The following SAMMSON variants were observed in gnomAD, a reference collection of about 807,000 sequenced individuals.
SAMMSON encodes the protein long intergenic non-protein coding RNA 1212.
chr3:70,287,954 T>C (rs1185678535), intron 6 of SAMMSON, among the ~76,000 whole-genome samples: 3 of 152,188 alleles, frequency 2.0e-5, no homozygotes, highest in Non-Finnish European at 4.4e-5. Flanking sequence ...TCTCTTTTTT[T>C]CTTTATTAGT....
intron 2 of SAMMSON, among the ~76,000 whole-genome samples, chr3:70,425,646 C>T (rs1214930679): frequency 6.6e-6 from 1 of 151,928 alleles, no homozygotes; most frequent in Non-Finnish European, 1.5e-5. Flanking sequence ...ATCTACTGAC[C>T]TCATGATCCG....
intron 7 of SAMMSON, among the ~76,000 whole-genome samples, chr3:70,314,924 T>C (rs1702485229): frequency 6.6e-6 from 1 of 152,130 alleles, no homozygotes. Flanking sequence ...CTAAACAGTT[T>C]TTTAAATTTT....
intron 4 of SAMMSON, among the ~76,000 whole-genome samples, chr3:70,117,929 A>G (rs1033881111): frequency 6.6e-6 from 1 of 151,808 alleles, no homozygotes; most frequent in African/African-American, 2.4e-5. Flanking sequence ...TTATTTATTT[A>G]TTTTTTGAGA....
In SAMMSON at chr3:70,007,105, CAT is replaced by C. The variant is rs544070148; in HGVS notation, n.23-5249_23-5248del. Among the ~76,000 whole-genome samples, 324 of 152,220 alleles carry C rather than the reference CAT, an allele frequency of 2.1e-3. 2 individuals carry two copies. The highest frequency in any genetic ancestry group is 0.02 in the Middle Eastern group (6 of 294). ...CTATTGTGAATAGTGCCACAATAAA[CAT>C]ATGTGTGCATGTGTCTTTATAGCAG... On this transcript the variant is annotated intron_variant and non_coding_transcript_variant, in intron 1 of 9. Transcript: ENST00000642114.
intron 2 of SAMMSON, among the ~76,000 whole-genome samples, chr3:70,422,591 T>TA (rs1028838579): frequency 2.0e-5 from 3 of 151,990 alleles, no homozygotes; most frequent in Admixed American, 6.6e-5. Flanking sequence ...TGTAAACATC[T>TA]AAAAAAATTA....
intron 4 of SAMMSON, among the ~76,000 whole-genome samples, chr3:70,239,423 T>C (rs575487764): frequency 6.6e-6 from 1 of 152,284 alleles, no homozygotes; most frequent in African/African-American, 2.4e-5. Context: ...GGTTGGAGAT[T>C]GACTCTGTTC....
At chr3:70,427,162 G>C (rs1701376734) in intron 2 of SAMMSON, among the ~76,000 whole-genome samples, 1 of 152,112 alleles carries the variant, frequency 6.6e-6, no homozygotes, top group African/African-American at 2.4e-5. Context: ...GGGAAAGCCT[G>C]CTAACATTCA....
Position 70,147,256 on chromosome 3 carries a change from T to C in SAMMSON, n.507+75691T>C, listed in dbSNP as rs181088320. Among the ~76,000 whole-genome samples, 185 of 152,214 alleles carry C rather than the reference T, an allele frequency of 1.2e-3. 3 individuals are homozygous for C. Among genetic ancestry groups the C allele is most frequent in the African/African-American group, 4.2e-3 (176 of 41,580 alleles). On this transcript the variant is annotated intron_variant and non_coding_transcript_variant, in intron 4 of 9. Transcript: ENST00000642114. ...TATCAATTATTTCCTAATTGATCTA[T>C]AGATTTAATAAAATTTCATTTGAAA...
intron 9 of SAMMSON, among the ~76,000 whole-genome samples, chr3:70,374,354 A>G (rs1702994899): frequency 6.6e-6 from 1 of 152,192 alleles, no homozygotes; most frequent in South Asian, 2.1e-4. Context: ...TTGAAACACA[A>G]ATATTTGAAA....
At chr3:70,066,340 A>T (rs559759646) in intron 3 of SAMMSON, among the ~76,000 whole-genome samples, 18 of 152,234 alleles carry the variant, frequency 1.2e-4, no homozygotes, top group Non-Finnish European at 2.4e-4. Flanking sequence ...ATGCATTTAT[A>T]ATGTTGTTGT....
intron 4 of SAMMSON, among the ~76,000 whole-genome samples, chr3:70,246,650 C>A (rs994793726): frequency 7.2e-5 from 11 of 151,986 alleles, no homozygotes; most frequent in Non-Finnish European, 1.5e-5. Flanking sequence ...TTGACAACAA[C>A]CTACATTTAT....
chr3:70,010,238 G>T (rs1158098347), intron 1 of SAMMSON, among the ~76,000 whole-genome samples: 7 of 151,916 alleles, frequency 4.6e-5, no homozygotes, highest in Non-Finnish European at 8.8e-5. Context: ...TGACCGTGGG[G>T]TGTTAAAGTC....
chr3:70,229,216 G>C (rs1701536406), intron 4 of SAMMSON, among the ~76,000 whole-genome samples: 1 of 152,172 alleles, frequency 6.6e-6, no homozygotes, highest in Admixed American at 6.5e-5. Flanking sequence ...TGTCAGAGGA[G>C]GAATGGTCAG....
rs747774287 is a variant in SAMMSON, at chr3:70,164,623, G to A, written n.508-84484G>A. Among the ~76,000 whole-genome samples, 7 of 152,018 alleles carry A rather than the reference G, an allele frequency of 4.6e-5. No individual in the cohort carries two copies. In the South Asian group the frequency reaches 1.0e-3, roughly 23 times the overall value. On this transcript the variant is annotated intron_variant and non_coding_transcript_variant, in intron 4 of 9. Coordinates refer to ENST00000642114, the Ensembl canonical transcript of SAMMSON. Reference sequence around the variant, plus strand: ...AGGTAGTATGCATAGTGTTCTGTCCGTGAGCTCCATAGCCAGACCATCTGG... The same window carrying A: ...AGGTAGTATGCATAGTGTTCTGTCCATGAGCTCCATAGCCAGACCATCTGG...
chr3:70,380,369 T>A (rs1703055086), intron 9 of SAMMSON, among the ~76,000 whole-genome samples: 1 of 152,138 alleles, frequency 6.6e-6, no homozygotes, highest in Admixed American at 6.6e-5. Context: ...AAAAATCCTG[T>A]AACATACTAT....
intron 9 of SAMMSON, among the ~76,000 whole-genome samples, chr3:70,375,904 A>G (rs1703010481): frequency 6.6e-6 from 1 of 152,130 alleles, no homozygotes; most frequent in African/African-American, 2.4e-5. Context: ...TGGGTAGTTC[A>G]TATACATGTC....
intron 1 of SAMMSON, among the ~76,000 whole-genome samples, chr3:70,005,358 T>C (rs1023418250): frequency 4.6e-5 from 7 of 151,772 alleles, no homozygotes; most frequent in Non-Finnish European, 7.4e-5. Context: ...TTCTGTTCCA[T>C]ATGGGGTGGG....
At chr3:70,379,671 T>A (rs805481) in intron 9 of SAMMSON, among the ~76,000 whole-genome samples, 52,625 of 152,022 alleles carry the variant, frequency 0.35, 9,678 homozygotes, top group Non-Finnish European at 0.4. Context: ...TTGAAGGGGC[T>A]GACAGCTGAA....
At position 70,422,502 on chromosome 3, in the gene SAMMSON, A is replaced by C. The variant is rs1194998520; in HGVS notation, n.234-40058A>C. ...TATAGTACGTTGTGAGTTACTTGGC[A>C]CTAATTTATTGTGTAATACTGCCTG... On this transcript the variant is annotated intron_variant and non_coding_transcript_variant, in intron 2 of 3. Coordinates refer to the SAMMSON transcript ENST00000641053. Among the ~76,000 whole-genome samples the C allele has an allele frequency of 2.0e-5, 3 of 152,128 alleles. No homozygotes were observed. The East Asian group carries it at 5.8e-4, about 29-fold the overall frequency.
Sources: gnomAD v4.1 joint callset for allele counts (sites outside exome capture counted in the v4.1 genomes callset) on GRCh38, gnomAD v4.1.1 for gene constraint, MANE v1.5 for transcripts, NCBI Gene and HGNC (gene_info 2026-07-23, HGNC 2026-07-21) for gene names.